ADAD2: variants seen among roughly 807,000 people sequenced by gnomAD.
ADAD2 encodes adenosine deaminase domain containing 2.
ADAD2 carries 60 observed loss-of-function variants against 54.5 expected under a neutral mutation model. The ratio of observed to expected loss-of-function variants is 1.10; its 90% confidence interval spans 0.89 to 1.36. The LOEUF (loss-of-function observed/expected upper bound fraction) is 1.36, where lower values mean the gene tolerates loss of function less well. ADAD2 is among the 40% of genes most tolerant of loss of function. The probability of loss-of-function intolerance (pLI) is 0.00; values close to 1 mark genes in which losing one functional copy is unlikely to be tolerated. For missense variants in ADAD2, 1,103 were observed against 801.3 expected, an observed-to-expected ratio of 1.38 and a Z score of -4.54; for synonymous variants, 543 against 366.2, an observed-to-expected ratio of 1.48 and a Z score of -5.51.
chr16:84,191,266 C>G lies in ADAD2; in HGVS notation c.36C>G (p.Gly12=). The change falls in exon 1 of 10, where the codon GGC becomes GGG. Residue 12 remains glycine, a synonymous_variant. Transcript: ENST00000315906. ...ASASQGADDD[G]SRRKPRLAAS... is the part of the protein sequence containing the mutation. ...CTTCTCAGGGCGCTGACGACGACGG[C>G]AGTCGTAGGAAGCCCCGCCTGGCTG... The G allele has an allele frequency of 6.2e-7, 1 of 1,603,562 alleles. No homozygotes were observed.
At chr16:84,192,154 A>AT (rs1055432810) in intron 1 of ADAD2, among the ~76,000 whole-genome samples, 15 of 151,708 alleles carry the variant, frequency 9.9e-5, no homozygotes, top group African/African-American at 1.5e-4. Flanking sequence ...TGTGTTTTGG[A>AT]TTTTTTTTGA....
rs142962765 is a variant in ADAD2, at chr16:84,196,694, G to A, written c.1574G>A (p.Arg525Gln). 8.5e-4 allele frequency: 1,369 copies of A among 1,613,332 alleles called. 3 individuals are homozygous for A. The highest frequency in any genetic ancestry group is 1.1e-3 in the Non-Finnish European group (1,272 of 1,179,986). The change falls in exon 9 of 10, where the codon CGG becomes CAG. Residue 525 changes from arginine to glutamine, a missense_variant. Physicochemically the swap from Arg to Gln is conservative, Grantham distance 43 (BLOSUM62 1). Transcript: ENST00000315906. ...CGTCTCTGCAAGGCCTCCTTTCTCC[G>A]GGCCTTTCACCAGGCGGCCAGGGCT... ...PSRLCKASFL[R>Q]AFHQAARAVG...
Position 84,191,490 on chromosome 16 carries a change from TG to T in ADAD2, c.265del (p.Glu89AsnfsTer59), listed in dbSNP as rs777065536. ...GGGGCAGCCCGGGCGTGGGAAAACT[TG>T]GGGGAACAGATGGGGAAGGCCCCGA... Reference protein sequence around the residue: ...ELGAARAWENLGEQMGKAPRV... With the variant: ...ELGAARAWENXGEQMGKAPRV... On this transcript the variant is annotated frameshift_variant, in exon 1 of 10. Coordinates refer to ENST00000315906, the MANE Select transcript of ADAD2 (RefSeq NM_001145400.2). LOFTEE classifies it high-confidence loss of function. 1 of 1,540,736 alleles carries T rather than the reference TG, an allele frequency of 6.5e-7. No individual in the cohort carries two copies. Among genetic ancestry groups the T allele is most frequent in the Admixed American group, 2.0e-5 (1 of 49,834 alleles).
intron 1 of ADAD2, 131 bp from the exon 2 acceptor site, chr16:84,194,311 A>C (rs762649248): frequency 1.3e-6 from 2 of 1,546,000 alleles, no homozygotes; most frequent in Non-Finnish European, 1.7e-6. Flanking sequence ...AGCCTGCTGG[A>C]GGAAGGGAAG....
Position 84,195,378 on chromosome 16 carries a change from G to A in ADAD2, c.816G>A (p.Trp272Ter). 1 of 1,609,102 alleles carries A rather than the reference G, an allele frequency of 6.2e-7. No individual in the cohort carries two copies. The highest frequency in any genetic ancestry group is 1.7e-5 in the Admixed American group (1 of 59,866). Residue 272 changes from tryptophan (W) to a stop codon, truncating the protein, a stop_gained, in exon 5 of 10, where the codon TGG (tryptophan) becomes TGA (stop). Transcript: ENST00000315906. LOFTEE classifies it high-confidence loss of function. ...CCGGCAGCAGCTGCTGTGCTGGCTG[G>A]CTGGAGTTCTCGGGCCAGCAGCTCC... The part of the protein sequence containing the change: ...LGTGSSCCAG[W>*]LEFSGQQLHD...
intron 1 of ADAD2, chr16:84,193,863 C>T: frequency 1.1e-6 from 1 of 896,022 alleles, no homozygotes; most frequent in Non-Finnish European, 1.7e-6. Context: ...GGGAAACCCC[C>T]AGAGGGGCAG....
At position 84,196,286 on chromosome 16, in the gene ADAD2, C is replaced by G. The variant is rs141742506; in HGVS notation, c.1442C>G (p.Thr481Ser). ...GCCCCTTCCGAACCCACCCCTGACA[C>G]CTGCCGTGGCCTGAGCCTCAACTGG... ...PVAPSEPTPD[T>S]CRGLSLNWSL... Residue 481 changes from threonine to serine, a missense_variant, in exon 8 of 10, where the codon ACC (threonine) becomes AGC (serine). By Grantham distance (58) the Thr-to-Ser change is moderately conservative. Transcript: ENST00000315906. The G allele has an allele frequency of 3.7e-6, 6 of 1,613,004 alleles. No individual in the cohort carries two copies. The highest frequency in any genetic ancestry group is 1.3e-5 in the African/African-American group (1 of 75,062).
At chr16:84,196,446 C>T in intron 8 of ADAD2, 76 bp downstream of exon 8, 2 of 1,558,112 alleles carry the variant, frequency 1.3e-6, no homozygotes, top group Non-Finnish European at 1.7e-6. Flanking sequence ...TTCCTCACCT[C>T]AGTCTAATCC....
At chr16:84,191,962 T>G (rs1567611106) in intron 1 of ADAD2, 1 of 491,598 alleles carries the variant, frequency 2.0e-6, no homozygotes. Flanking sequence ...GCCACTTACA[T>G]GCAATTTAAG....
chr16:84,195,070 G>A lies in ADAD2; in HGVS notation c.609G>A (p.Glu203=). Residue 203 remains glutamate, a splice_region_variant and synonymous_variant, in exon 4 of 10, where the codon GAG becomes GAA. Transcript: ENST00000315906. The part of the protein sequence containing the change: ...SRPPLAPLSV[E]NILTHEQRCA... ...CTGCAGTCTCTCGCCCTGGCGCAGA[G>A]AACATCCTGACCCATGAGCAGCGCT... 5 of 1,613,346 alleles carry A rather than the reference G, an allele frequency of 3.1e-6. No individual in the cohort carries two copies. The highest frequency in any genetic ancestry group is 4.2e-6 in the Non-Finnish European group (5 of 1,179,744).
Position 84,191,159 on chromosome 16 carries a change from C to G in ADAD2, c.-72C>G. The stretch of plus-strand genomic sequence containing the variant: ...CCGCGTGCTCCCCACGTGAAGGCAC[C>G]CGCCCTGCGCGTGTGAAAGGGCGAG... On this transcript the variant is annotated 5_prime_UTR_variant, in exon 1 of 10. Coordinates refer to ENST00000315906, the MANE Select transcript of ADAD2 (RefSeq NM_001145400.2). The G allele has an allele frequency of 6.5e-7, 1 of 1,536,128 alleles. No individual in the cohort carries two copies. Among genetic ancestry groups the G allele is most frequent in the Non-Finnish European group, 8.8e-7 (1 of 1,137,384 alleles).
chr16:84,194,278 T>C, intron 1 of ADAD2, 164 bp from the exon 2 acceptor site: 1 of 1,551,124 alleles, frequency 6.4e-7, no homozygotes, highest in Non-Finnish European at 8.7e-7. Flanking sequence ...CTCAAGGGTG[T>C]GCGCGGCATG....
rs760658968 is a variant in ADAD2 at position 84,196,943 on chromosome 16, C to G, written c.1721C>G (p.Ser574Trp). 9 of 1,604,386 alleles carry G rather than the reference C, an allele frequency of 5.6e-6. No individual in the cohort carries two copies. Among genetic ancestry groups the G allele is most frequent in the South Asian group, 3.4e-5 (3 of 89,526 alleles). Residue 574 changes from serine to tryptophan, a missense_variant, in exon 10 of 10, where the codon TCG (serine) becomes TGG (tryptophan). Ser to Trp is a radical substitution (Grantham distance 177). Transcript: ENST00000315906. Reference sequence around the variant, plus strand: ...CAGCAGGGCCTGGGGGCTTGGCCCTCGAAGCCACTGGTGGGCAAATTCAGA... The same window carrying G: ...CAGCAGGGCCTGGGGGCTTGGCCCTGGAAGCCACTGGTGGGCAAATTCAGA... ...LDQQGLGAWP[S>W]KPLVGKFRN
At position 84,194,467 on chromosome 16, in the gene ADAD2, C is replaced by T. The variant is rs1178331416; in HGVS notation, c.444C>T (p.Ser148=). The T allele has an allele frequency of 3.1e-6, 5 of 1,608,398 alleles. No homozygotes were observed. Among genetic ancestry groups the T allele is most frequent in the South Asian group, 1.1e-5 (1 of 90,578 alleles). ...PPGPCFPFSV[S]AELDGVVCPA... is the part of the protein sequence containing the mutation. ...GTCCCTGCTTCCCCTTCTCGGTGAGCGCGGAACTGGATGGGGTGGTCTGCC... is the reference window on the plus strand; with the variant it reads ...GTCCCTGCTTCCCCTTCTCGGTGAGTGCGGAACTGGATGGGGTGGTCTGCC... Residue 148 remains serine, a synonymous_variant, in exon 2 of 10, where the codon AGC becomes AGT. Coordinates refer to ENST00000315906, the MANE Select transcript of ADAD2 (RefSeq NM_001145400.2).
chr16:84,191,831 T>C, intron 1 of ADAD2, 183 bp downstream of exon 1: 1 of 851,968 alleles, frequency 1.2e-6, no homozygotes, highest in Non-Finnish European at 1.9e-6. Flanking sequence ...AGCAGCGATC[T>C]CCAAGGATCA....
intron 8 of ADAD2, 89 bp from the exon 9 acceptor site, chr16:84,196,558 G>T: frequency 6.4e-7 from 1 of 1,569,212 alleles, no homozygotes; most frequent in South Asian, 1.2e-5. Context: ...CATTGTCACA[G>T]TGTGAGAGGA....
chr16:84,194,440 A>G lies in ADAD2; in HGVS notation c.419-2A>G. The G allele has an allele frequency of 6.2e-7, 1 of 1,600,592 alleles. No individual in the cohort carries two copies. The highest frequency in any genetic ancestry group is 8.5e-7 in the Non-Finnish European group (1 of 1,178,260). On this transcript the variant is annotated splice_acceptor_variant, in intron 1 of 9. Transcript: ENST00000315906. LOFTEE classifies it high-confidence loss of function. The stretch of plus-strand genomic sequence containing the variant: ...TGCTTCCTCACCTGGCTCCTTCCCC[A>G]GGTCCCTGCTTCCCCTTCTCGGTGA...
chr16:84,196,392 C>G (rs778553391), intron 8 of ADAD2, 22 bp downstream of exon 8: 2 of 1,600,572 alleles, frequency 1.2e-6, no homozygotes, highest in Non-Finnish European at 8.5e-7. Flanking sequence ...CCCCTGGGGC[C>G]GGGCTGTGGA....
chr16:84,195,036 C>A, intron 3 of ADAD2, 33 bp from the exon 4 acceptor site: 1 of 1,612,506 alleles, frequency 6.2e-7, no homozygotes, highest in Non-Finnish European at 8.5e-7. Context: ...GGCGTGGGCC[C>A]CCTTCTACCT....
Sources: gnomAD v4.1 joint callset for allele counts (sites outside exome capture counted in the v4.1 genomes callset) on GRCh38, gnomAD v4.1.1 for gene constraint, MANE v1.5 for transcripts, NCBI Gene and HGNC (gene_info 2026-07-23, HGNC 2026-07-21) for gene names.